Variants in FAM98B observed in about 807,000 individuals in gnomAD.
FAM98B encodes the protein tRNA splicing ligase complex subunit 3B, also known as tRNA-splicing ligase complex subunit FAM98B.
A neutral mutation model predicts 43.9 loss-of-function variants in FAM98B; 32 were observed. The ratio of observed to expected loss-of-function variants is 0.73; its 90% CI spans 0.55 to 0.98. The LOEUF (loss-of-function observed/expected upper bound fraction) is 0.98, where lower values mean the gene tolerates loss of function less well. Ranked by LOEUF, FAM98B falls within the 50% of genes least tolerant of loss-of-function variation. FAM98B has a pLI of 0.00. For synonymous variants in FAM98B, 190 were observed against 174.0 expected (o/e 1.09, Z -0.72); for missense variants, 514 against 522.9 (o/e 0.98, Z 0.17).
chr15:38,473,600 T>TAA lies in FAM98B; in HGVS notation c.612+15_612+16insAA. 6.3e-7 allele frequency: 1 copy of TAA among 1,591,176 alleles called. No individual in the cohort carries two copies. Among genetic ancestry groups the TAA allele is most frequent in the Non-Finnish European group, 8.6e-7 (1 of 1,167,522 alleles). On this transcript the variant is annotated intron_variant, in intron 5 of 7. Transcript: ENST00000397609. ...CAGAACAGGCGGTAAATCCCCCTTT[T>TAA]TGTTATTAGTTTTATGTAATTACAT...
intron 6 of FAM98B, among the ~76,000 whole-genome samples, chr15:38,476,684 A>G (rs1890205184): frequency 6.9e-6 from 1 of 145,818 alleles, no homozygotes; most frequent in Non-Finnish European, 1.5e-5. Context: ...TATCATCTTG[A>G]TTAAAGATAG....
intron 3 of FAM98B, 92 bp from the exon 4 acceptor site, chr15:38,470,132 TTAA>T (rs1890101044): frequency 9.3e-7 from 1 of 1,078,966 alleles, no homozygotes; most frequent in African/African-American, 1.6e-5. Flanking sequence ...ATTATTGGTA[TTAA>T]TTGATACTTG....
At chr15:38,458,157 C>T (rs539440088) in intron 1 of FAM98B, among the ~76,000 whole-genome samples, 1 of 152,166 alleles carries the variant, frequency 6.6e-6, no homozygotes, top group African/African-American at 2.4e-5. Flanking sequence ...TAGAGGCAAG[C>T]GTAGCTTTTG....
At position 38,454,227 on chromosome 15, in the gene FAM98B, G is replaced by A. The variant is rs369333343; in HGVS notation, c.66G>A (p.Ala22=). Residue 22 remains alanine (A), a synonymous_variant, in exon 1 of 8, where the codon GCG becomes GCA. Coordinates refer to ENST00000397609, the MANE Select transcript of FAM98B (RefSeq NM_173611.4). ...GAGACGTGCTGGACACACTGGAGGC[G>A]CTGGGGTGAGTGCTTTTGGAGACGC... ...MEGDVLDTLE[A]LGYKGPLLEE... The A allele has an allele frequency of 6.2e-7, 1 of 1,601,784 alleles. No homozygotes were observed. The highest frequency in any genetic ancestry group is 1.7e-5 in the Admixed American group (1 of 57,516).
chr15:38,473,489 T>C lies in FAM98B; in HGVS notation c.532-16T>C, dbSNP rs1890154474. On this transcript the variant is annotated splice_polypyrimidine_tract_variant and intron_variant, in intron 4 of 7. Transcript: ENST00000397609. The stretch of plus-strand genomic sequence containing the variant: ...AGGAATATACATTTTTCACAATCTT[T>C]TATATTTACTTTTAGGTGAAAGATA... 3 of 1,574,164 alleles carry C rather than the reference T, an allele frequency of 1.9e-6. No homozygotes were observed. Among genetic ancestry groups the C allele is most frequent in the Admixed American group, 3.5e-5 (2 of 56,826 alleles).
chr15:38,476,314 G>A, intron 6 of FAM98B, among the ~76,000 whole-genome samples: 1 of 151,452 alleles, frequency 6.6e-6, no homozygotes, highest in East Asian at 1.9e-4. Flanking sequence ...CTTTATCCTT[G>A]GAGTTCTGAA....
chr15:38,474,837 G>C (rs978869250), intron 6 of FAM98B, among the ~76,000 whole-genome samples: 8 of 151,996 alleles, frequency 5.3e-5, no homozygotes, highest in African/African-American at 1.7e-4. Context: ...CCTCACCCCC[G>C]CTCTCCCTAC....
Position 38,474,313 on chromosome 15 carries a change from C to G in FAM98B, c.729+15C>G. ...ATAGAGCAAAGGTAAGGCTGTTTTC[C>G]CATATGTGTCCTGTAGGTGGTAGCC... On this transcript the variant is annotated intron_variant, in intron 6 of 7. Coordinates refer to ENST00000397609, the MANE Select transcript of FAM98B (RefSeq NM_173611.4). 1.9e-6 allele frequency: 3 copies of G among 1,558,008 alleles called. No homozygotes were observed. The highest frequency in any genetic ancestry group is 2.7e-6 in the Non-Finnish European group (3 of 1,131,108).
In FAM98B at chr15:38,473,552, A is replaced by C; in HGVS notation, c.579A>C (p.Pro193=). ...SKVQKNHVGK[P]LLKMDLNSEQ... is the part of the protein sequence containing the mutation. ...TCCAGAAAAATCATGTGGGAAAACCACTGCTGAAAATGGATTTAAATTCAG... is the reference window on the plus strand; with the variant it reads ...TCCAGAAAAATCATGTGGGAAAACCCCTGCTGAAAATGGATTTAAATTCAG... Residue 193 remains proline, a synonymous_variant, in exon 5 of 8, where the codon CCA becomes CCC. Coordinates refer to ENST00000397609, the MANE Select transcript of FAM98B (RefSeq NM_173611.4). 6.2e-7 allele frequency: 1 copy of C among 1,611,162 alleles called. No homozygotes were observed. The highest frequency in any genetic ancestry group is 1.3e-5 in the African/African-American group (1 of 74,956).
At position 38,466,165 on chromosome 15, in the gene FAM98B, T is replaced by G. The variant is rs142684867; in HGVS notation, c.352+762T>G. On this transcript the variant is annotated intron_variant, in intron 3 of 7. Transcript: ENST00000397609. ...GCGCTAGTGTTTTAATAAAGTTTGT[T>G]TCATTAGAGATGAAATTTGTGTGTG... Among the ~76,000 whole-genome samples, 671 of 150,672 alleles carry G rather than the reference T, an allele frequency of 4.5e-3. 4 individuals carry two copies. Among genetic ancestry groups the G allele is most frequent in the African/African-American group, 0.016 (647 of 40,660 alleles).
chr15:38,480,963 A>G (rs1014769622), intron 6 of FAM98B, among the ~76,000 whole-genome samples: 4 of 152,066 alleles, frequency 2.6e-5, no homozygotes, highest in Non-Finnish European at 5.9e-5. Context: ...TTGTTTTTGC[A>G]AGATTTACTG....
At chr15:38,469,090 G>T (rs1333788862) in intron 3 of FAM98B, among the ~76,000 whole-genome samples, 1 of 152,086 alleles carries the variant, frequency 6.6e-6, no homozygotes, top group Non-Finnish European at 1.5e-5. Context: ...ACTTTTAGTA[G>T]AGTCGGGGTT....
chr15:38,465,444 G>T, intron 3 of FAM98B, 41 bp downstream of exon 3: 2 of 1,498,850 alleles, frequency 1.3e-6, no homozygotes, highest in Non-Finnish European at 1.8e-6. Flanking sequence ...GTTTGACATG[G>T]TTTTTATTAT....
rs1224031852 is a variant in FAM98B, at chr15:38,465,365, A to T, written c.314A>T (p.Asp105Val). The T allele has an allele frequency of 7.5e-6, 12 of 1,605,404 alleles. No individual in the cohort carries two copies. Among genetic ancestry groups the T allele is most frequent in the Non-Finnish European group, 9.3e-6 (11 of 1,177,002 alleles). ...YSVLISGDIK[D>V]RLKKKEDCLK... Reference sequence around the variant, plus strand: ...GTACTCATATCAGGAGATATTAAAGATCGTTTAAAAAAGAAGGAGGACTGT... The same window carrying T: ...GTACTCATATCAGGAGATATTAAAGTTCGTTTAAAAAAGAAGGAGGACTGT... Residue 105 changes from aspartate (D) to valine (V), a missense_variant, in exon 3 of 8, where the codon GAT (aspartate) becomes GTT (valine). By Grantham distance (152) the Asp-to-Val change is radical (BLOSUM62 -3). Transcript: ENST00000397609.
At chr15:38,472,694 T>C (rs1232667279) in intron 4 of FAM98B, among the ~76,000 whole-genome samples, 1 of 152,142 alleles carries the variant, frequency 6.6e-6, no homozygotes, top group Non-Finnish European at 1.5e-5. Flanking sequence ...GCTTCCAAGC[T>C]AATTTTGAAT....
chr15:38,470,415 T>C lies in FAM98B; in HGVS notation c.531+10T>C. ...CCAAGTGGAATCAAAGGTATTATCT[T>C]TGTTTTATTTTCCCCAAAATTCAAC... On this transcript the variant is annotated intron_variant, in intron 4 of 7. Coordinates refer to ENST00000397609, the MANE Select transcript of FAM98B (RefSeq NM_173611.4). 1 of 1,571,172 alleles carries C rather than the reference T, an allele frequency of 6.4e-7. No individual in the cohort carries two copies. Among genetic ancestry groups the C allele is most frequent in the South Asian group, 1.2e-5 (1 of 81,730 alleles).
At chr15:38,455,487 C>T (rs888533199) in intron 1 of FAM98B, among the ~76,000 whole-genome samples, 12 of 152,176 alleles carry the variant, frequency 7.9e-5, no homozygotes, top group African/African-American at 2.7e-4. Flanking sequence ...TTTGCAGTGA[C>T]CCAGGGTTAC....
intron 4 of FAM98B, among the ~76,000 whole-genome samples, chr15:38,472,092 G>A (rs966592327): frequency 1.3e-5 from 2 of 152,160 alleles, no homozygotes; most frequent in African/African-American, 4.8e-5. Context: ...AACCCAGGTA[G>A]TCAACCTCCA....
At position 38,481,307 on chromosome 15, in the gene FAM98B, A is replaced by G; in HGVS notation, c.745A>G (p.Ile249Val). 2 of 1,613,850 alleles carry G rather than the reference A, an allele frequency of 1.2e-6. No individual in the cohort carries two copies. Among genetic ancestry groups the G allele is most frequent in the South Asian group, 1.1e-5 (1 of 91,078 alleles). The change falls in exon 7 of 8, where the codon ATA becomes GTA. Residue 249 changes from isoleucine to valine, a missense_variant. Coordinates refer to ENST00000397609, the MANE Select transcript of FAM98B (RefSeq NM_173611.4). Reference protein sequence around the residue: ...SDRAKVKTDDIARIYQPKRYA... With the variant: ...SDRAKVKTDDVARIYQPKRYA... ...TGTCATTTAGGTAAAAACAGATGATATAGCAAGAATTTATCAGCCTAAGCG... is the reference window on the plus strand; with the variant it reads ...TGTCATTTAGGTAAAAACAGATGATGTAGCAAGAATTTATCAGCCTAAGCG...
Sources: gnomAD v4.1 joint callset for allele counts (sites outside exome capture counted in the v4.1 genomes callset) on GRCh38, gnomAD v4.1.1 for gene constraint, MANE v1.5 for transcripts, NCBI Gene and HGNC (gene_info 2026-07-23, HGNC 2026-07-21) for gene names.